Variants in PPP2R2A observed in about 807,000 individuals in gnomAD.
PPP2R2A encodes the protein serine/threonine-protein phosphatase 2A 55 kDa regulatory subunit B alpha isoform.
Under a neutral mutation model 53.2 loss-of-function variants are expected in PPP2R2A, and 9 were observed. The observed-to-expected ratio is 0.17, with a 90% CI of 0.10 to 0.30. The LOEUF is 0.30. Ranked by LOEUF, PPP2R2A falls within the 10% of genes least tolerant of loss-of-function variation. PPP2R2A has a pLI of 1.00. For missense variants in PPP2R2A, 235 were observed against 534.6 expected, an observed-to-expected ratio of 0.44 and a Z score of 5.53; for synonymous variants, 169 against 174.2, an observed-to-expected ratio of 0.97 and a Z score of 0.23.
intron 2 of PPP2R2A, among the ~76,000 whole-genome samples, chr8:26,322,015 A>C (rs182936602): frequency 3.2e-4 from 49 of 152,302 alleles, no homozygotes; most frequent in African/African-American, 1.2e-3. Flanking sequence ...AGAATGATAG[A>C]CACATCCAGA....
intron 3 of PPP2R2A, among the ~76,000 whole-genome samples, chr8:26,342,495 A>G (rs1166485320): frequency 6.6e-6 from 1 of 152,150 alleles, no homozygotes; most frequent in Non-Finnish European, 1.5e-5. Context: ...GCAGTTGTCA[A>G]AGTAGCTGGT....
Position 26,363,724 on chromosome 8 carries a change from T to G in PPP2R2A, c.806T>G (p.Phe269Cys). ...TGTTGTTTTGTTTTGTTTTTAGTGT[T>G]TGAAGAACCTGAAGATCCCAGTAAC... ...SALCDRHSKL[F>C]EEPEDPSNRS... Residue 269 changes from phenylalanine (F) to cysteine (C), a missense_variant, in exon 8 of 10, where the codon TTT becomes TGT. Around this residue, in one of 3 missense-constraint regions of PPP2R2A, gnomAD observed 181 missense variants for 409.9 expected, o/e 0.44. Coordinates refer to ENST00000380737, the MANE Select transcript of PPP2R2A (RefSeq NM_002717.4). 1 of 1,581,828 alleles carries G rather than the reference T, an allele frequency of 6.3e-7. No individual in the cohort carries two copies. The highest frequency in any genetic ancestry group is 8.6e-7 in the Non-Finnish European group (1 of 1,160,948).
chr8:26,326,239 C>T (rs996968650), intron 2 of PPP2R2A, among the ~76,000 whole-genome samples: 3 of 152,186 alleles, frequency 2.0e-5, no homozygotes, highest in Non-Finnish European at 4.4e-5. Context: ...GGAGTAACTC[C>T]AGGTTGGTCT....
chr8:26,336,008 C>G (rs186569389), intron 2 of PPP2R2A, among the ~76,000 whole-genome samples: 3 of 152,348 alleles, frequency 2.0e-5, no homozygotes, highest in Admixed American at 1.3e-4. Flanking sequence ...TCACCTTCCT[C>G]TTCCATTCAC....
chr8:26,316,684 A>G (rs1802572084), intron 2 of PPP2R2A, among the ~76,000 whole-genome samples: 1 of 152,232 alleles, frequency 6.6e-6, no homozygotes. Context: ...TCCTAGATCA[A>G]GGCAACTGCA....
chr8:26,336,239 C>CA (rs1803650464), intron 2 of PPP2R2A, among the ~76,000 whole-genome samples: 1 of 151,938 alleles, frequency 6.6e-6, no homozygotes, highest in African/African-American at 2.4e-5. Context: ...GCCTGGGCAA[C>CA]ATGGCAACAC....
rs367623623 is a variant in PPP2R2A at position 26,363,773 on chromosome 8, C to T, written c.855C>T (p.Ile285=). The T allele has an allele frequency of 6.2e-7, 1 of 1,600,246 alleles. No individual in the cohort carries two copies. Among genetic ancestry groups the T allele is most frequent in the African/African-American group, 1.3e-5 (1 of 74,770 alleles). The change falls in exon 8 of 10, where the codon ATC becomes ATT. Residue 285 remains isoleucine, a synonymous_variant. Transcript: ENST00000380737. ...PSNRSFFSEI[I]SSISDVKFSH... ...ACAGGTCATTTTTTTCCGAAATCAT[C>T]TCCTCTATTTCGGATGTAAAATTCA...
intron 2 of PPP2R2A, among the ~76,000 whole-genome samples, chr8:26,328,254 T>C (rs2117289807): frequency 6.6e-6 from 1 of 152,358 alleles, no homozygotes; most frequent in Non-Finnish European, 1.5e-5. Context: ...AGTCCTTTTG[T>C]TCTCAATATA....
chr8:26,323,998 A>G (rs994314276), intron 2 of PPP2R2A, among the ~76,000 whole-genome samples: 5 of 152,256 alleles, frequency 3.3e-5, no homozygotes, highest in Admixed American at 2.6e-4. Flanking sequence ...ACATGTTAGG[A>G]CAAGTCCACT....
rs151058183 is a variant in PPP2R2A at position 26,359,195 on chromosome 8, C to A, written c.347-974C>A. On this transcript the variant is annotated intron_variant, in intron 4 of 9. Transcript: ENST00000380737. ...TACAAAGTACCTCACCACCACTACT[C>A]AAAACTGTCAAGATCAAGAAAAATA... Among the ~76,000 whole-genome samples the A allele has an allele frequency of 9.6e-4, 146 of 152,272 alleles. 1 individual carries two copies. The highest frequency in any genetic ancestry group is 3.3e-3 in the African/African-American group (138 of 41,558).
chr8:26,331,934 A>G (rs1803398845), intron 2 of PPP2R2A, among the ~76,000 whole-genome samples: 1 of 152,212 alleles, frequency 6.6e-6, no homozygotes, highest in Non-Finnish European at 1.5e-5. Flanking sequence ...AATTGTTACT[A>G]TTTCACTGTA....
intron 2 of PPP2R2A, among the ~76,000 whole-genome samples, chr8:26,305,762 T>C (rs868182251): frequency 6.6e-6 from 1 of 152,230 alleles, no homozygotes; most frequent in Non-Finnish European, 1.5e-5. Context: ...CAGATGATAC[T>C]AGAGTCTGAG....
intron 3 of PPP2R2A, among the ~76,000 whole-genome samples, chr8:26,342,848 A>G (rs1318099534): frequency 6.6e-6 from 1 of 152,168 alleles, no homozygotes; most frequent in Non-Finnish European, 1.5e-5. Context: ...ATATGATAGT[A>G]TTACCTTTCT....
chr8:26,309,009 C>T (rs368696807), intron 2 of PPP2R2A, among the ~76,000 whole-genome samples: 10 of 152,038 alleles, frequency 6.6e-5, no homozygotes, highest in East Asian at 1.9e-4. Flanking sequence ...TTCAGGTGTG[C>T]GCCACTACAC....
intron 2 of PPP2R2A, among the ~76,000 whole-genome samples, chr8:26,315,773 T>C (rs1802524007): frequency 6.6e-6 from 1 of 152,144 alleles, no homozygotes. Context: ...TTGCCTTGCG[T>C]TTTCTTTGTT....
chr8:26,350,247 TAGAG>T (rs1283288239), intron 3 of PPP2R2A, among the ~76,000 whole-genome samples: 1 of 152,006 alleles, frequency 6.6e-6, no homozygotes, highest in South Asian at 2.1e-4. Context: ...GTATTTTTGG[TAGAG>T]AGAGAGTTTC....
chr8:26,335,794 C>T (rs943485151), intron 2 of PPP2R2A, among the ~76,000 whole-genome samples: 1 of 152,158 alleles, frequency 6.6e-6, no homozygotes, highest in African/African-American at 2.4e-5. Flanking sequence ...TAGGATTCCT[C>T]ACCCTACACA....
chr8:26,355,819 G>A (rs1035718235), intron 4 of PPP2R2A, among the ~76,000 whole-genome samples: 2 of 150,454 alleles, frequency 1.3e-5, no homozygotes, highest in South Asian at 2.1e-4. Context: ...GCAGTGAGCC[G>A]AGATCGCGCC....
In PPP2R2A at chr8:26,370,187, C is replaced by T. The variant is rs199800792; in HGVS notation, c.1118C>T (p.Thr373Ile). The change falls in exon 10 of 10, where the codon ACA becomes ATA. Residue 373 changes from threonine (T) to isoleucine (I), a missense_variant. This residue lies in a region of PPP2R2A where 181 missense variants were observed against 409.9 expected (regional missense o/e 0.44). Transcript: ENST00000380737. This position sits in a 1 kb window ranked among gnomAD's most constrained non-coding sequence, Gnocchi z 6.1. Reference protein sequence around the residue: ...NNFFRMFDRNTKRDITLEASR... With the variant: ...NNFFRMFDRNIKRDITLEASR... ...TTCTTCAGAATGTTTGACAGAAACACAAAGCGAGACATAACCCTAGAAGCA... is the reference window on the plus strand; with the variant it reads ...TTCTTCAGAATGTTTGACAGAAACATAAAGCGAGACATAACCCTAGAAGCA... 1.7e-5 allele frequency: 27 copies of T among 1,614,020 alleles called. No homozygotes were observed. Among genetic ancestry groups the T allele is most frequent in the Non-Finnish European group, 2.3e-5 (27 of 1,179,958 alleles).
Sources: allele counts gnomAD v4.1 joint callset (sites outside exome capture counted in the v4.1 genomes callset), GRCh38; gene constraint gnomAD v4.1.1; regional missense constraint gnomAD v4.1.1; non-coding constraint Gnocchi (gnomAD v3.1); transcripts MANE v1.5; gene names NCBI Gene and HGNC (gene_info 2026-07-23, HGNC 2026-07-21).